Variants in WWOX observed in about 807,000 individuals in gnomAD.
The protein encoded by WWOX is WW domain-containing oxidoreductase.
Under a neutral mutation model 46.2 loss-of-function variants are expected in WWOX, and 69 were observed. The ratio of observed to expected loss-of-function variants is 1.49; its 90% CI spans 1.23 to 1.82. The LOEUF is 1.82. Ranked by LOEUF, WWOX falls within the 40% of genes most tolerant of loss-of-function variation. The pLI is 0.00. For synonymous variants in WWOX, 359 were observed against 202.6 expected (o/e 1.77, Z -6.56); for missense variants, 919 against 542.6 (o/e 1.69, Z -6.89).
chr16:78,622,831 G>A (rs911778638), intron 8 of WWOX, among the ~76,000 whole-genome samples: 3 of 152,154 alleles, frequency 2.0e-5, no homozygotes, highest in Admixed American at 6.5e-5. Context: ...ATGAGCAGGG[G>A]GATCCTCCTG....
intron 8 of WWOX, among the ~76,000 whole-genome samples, chr16:78,776,385 C>T (rs988648104): frequency 1.8e-4 from 28 of 152,144 alleles, no homozygotes; most frequent in African/African-American, 5.5e-4. Context: ...CACTTGCTTA[C>T]TGTGTGACCT....
intron 8 of WWOX, among the ~76,000 whole-genome samples, chr16:78,597,770 A>G (rs1341188183): frequency 2.0e-5 from 3 of 147,478 alleles, no homozygotes; most frequent in African/African-American, 7.7e-5. Flanking sequence ...GTATATATAT[A>G]TATATATATA....
At chr16:78,162,577 AACACAT>A in intron 4 of WWOX, among the ~76,000 whole-genome samples, 1 of 152,062 alleles carries the variant, frequency 6.6e-6, no homozygotes. Flanking sequence ...TATACATGTC[AACACAT>A]ACACATACAT....
chr16:78,925,473 A>T (rs2045477150), intron 8 of WWOX, among the ~76,000 whole-genome samples: 2 of 152,196 alleles, frequency 1.3e-5, no homozygotes, highest in Admixed American at 1.3e-4. Context: ...TCACATTTCA[A>T]ACATGTCCTG....
chr16:78,321,973 C>T (rs770590372), intron 5 of WWOX, among the ~76,000 whole-genome samples: 2 of 152,182 alleles, frequency 1.3e-5, no homozygotes, highest in East Asian at 1.9e-4. Flanking sequence ...CCTGCAGAGA[C>T]AGGTTGTGGA....
chr16:78,602,660 A>G (rs1469936358), intron 8 of WWOX, among the ~76,000 whole-genome samples: 1 of 152,132 alleles, frequency 6.6e-6, no homozygotes, highest in Non-Finnish European at 1.5e-5. Context: ...TCAAGTGGTT[A>G]CTCTGTTCTG....
At chr16:79,084,548 G>A (rs1280277752) in intron 8 of WWOX, among the ~76,000 whole-genome samples, 1 of 152,066 alleles carries the variant, frequency 6.6e-6, no homozygotes, top group Non-Finnish European at 1.5e-5. Context: ...CTGAGTAGCT[G>A]GGACTACAGG....
At position 78,336,105 on chromosome 16, in the gene WWOX, C is replaced by CA. The variant is rs201732083; in HGVS notation, c.517-50747dup. ...AGAGTCTGTCTCAAAAAACGAAAAA[C>CA]AAAAAAAACCAAAAGACTAAATGTA... On this transcript the variant is annotated intron_variant, in intron 5 of 8. Coordinates refer to ENST00000566780, the MANE Select transcript of WWOX (RefSeq NM_016373.4). Among the ~76,000 whole-genome samples, 555 of 150,536 alleles carry CA rather than the reference C, an allele frequency of 3.7e-3. 2 individuals are homozygous for CA. Among genetic ancestry groups the CA allele is most frequent in the Non-Finnish European group, 6.4e-3 (430 of 67,608 alleles).
chr16:78,414,003 T>C (rs1219499645), intron 6 of WWOX, among the ~76,000 whole-genome samples: 1 of 151,778 alleles, frequency 6.6e-6, no homozygotes, highest in Non-Finnish European at 1.5e-5. Context: ...AATAGCCAGT[T>C]CTTGCCTTAA....
intron 8 of WWOX, among the ~76,000 whole-genome samples, chr16:78,478,139 G>A (rs1018765353): frequency 6.6e-6 from 1 of 152,104 alleles, no homozygotes; most frequent in Non-Finnish European, 1.5e-5. Context: ...AACACAGCAA[G>A]GTATGTACGG....
intron 8 of WWOX, chr16:79,004,119 A>T (rs755220966): frequency 6.6e-6 from 1 of 152,158 alleles, no homozygotes; most frequent in Admixed American, 6.5e-5. Flanking sequence ...CTTGTCTGTT[A>T]TCTCTTTATC....
chr16:78,354,185 T>C (rs532920885), intron 5 of WWOX, among the ~76,000 whole-genome samples: 9 of 152,204 alleles, frequency 5.9e-5, no homozygotes, highest in Non-Finnish European at 7.3e-5. Context: ...ACCTTCTGTT[T>C]GTAAACATCT....
Position 78,569,244 on chromosome 16 carries a change from GTC to G in WWOX, c.1056+136498_1056+136499del, listed in dbSNP as rs556495131. The stretch of plus-strand genomic sequence containing the variant: ...ATCAAAAATAGAAAAGTGCTTCCTT[GTC>G]TCTCTATATTGTTATTAAAACAAGT... On this transcript the variant is annotated intron_variant, in intron 8 of 8. Transcript: ENST00000566780. Among the ~76,000 whole-genome samples the G allele has an allele frequency of 1.1e-4, 17 of 152,184 alleles. No individual in the cohort carries two copies. The South Asian group carries it at 3.5e-3, about 32-fold the overall frequency.
chr16:78,164,041 T>G, intron 4 of WWOX, 142 bp from the exon 5 acceptor site: 1 of 783,280 alleles, frequency 1.3e-6, no homozygotes, highest in East Asian at 2.7e-5. Flanking sequence ...TCTCCAGACA[T>G]TTGCTTCTGT....
chr16:78,541,413 G>T (rs1381207281), intron 8 of WWOX, among the ~76,000 whole-genome samples: 1 of 137,250 alleles, frequency 7.3e-6, no homozygotes, highest in Non-Finnish European at 1.5e-5. Context: ...GGCGGAGCTT[G>T]CAGTGAGCCG....
At chr16:78,444,294 T>G (rs113112508) in intron 8 of WWOX, among the ~76,000 whole-genome samples, 47 of 152,248 alleles carry the variant, frequency 3.1e-4, no homozygotes, top group African/African-American at 1.0e-3. Flanking sequence ...ACTTATCCTC[T>G]CTGGTCCTCA....
chr16:78,528,403 A>G (rs1046860390), intron 8 of WWOX, among the ~76,000 whole-genome samples: 3 of 151,704 alleles, frequency 2.0e-5, no homozygotes, highest in African/African-American at 7.3e-5. Context: ...GATCGCTCTC[A>G]CCAAAGCCCA....
At chr16:79,155,017 G>C (rs148236745) in intron 8 of WWOX, among the ~76,000 whole-genome samples, 1,077 of 152,338 alleles carry the variant, frequency 7.1e-3, no homozygotes, top group Middle Eastern at 0.014. Flanking sequence ...AGCTTCATCT[G>C]TGCCTTCACC....
chr16:78,134,611 G>T (rs1016118146), intron 4 of WWOX, among the ~76,000 whole-genome samples: 1 of 151,984 alleles, frequency 6.6e-6, no homozygotes, highest in Non-Finnish European at 1.5e-5. Context: ...TAAGCTCTTG[G>T]AAACATCAGG....
Sources: allele counts gnomAD v4.1 joint callset (sites outside exome capture counted in the v4.1 genomes callset), GRCh38; gene constraint gnomAD v4.1.1; transcripts MANE v1.5; gene names NCBI Gene and HGNC (gene_info 2026-07-23, HGNC 2026-07-21).